LTBP2: variants seen among roughly 807,000 people sequenced by gnomAD.
The protein encoded by LTBP2 is latent-transforming growth factor beta-binding protein 2.
Under a neutral mutation model 210.6 loss-of-function variants are expected in LTBP2, and 103 were observed. The ratio of observed to expected loss-of-function variants is 0.49; its 90% CI spans 0.42 to 0.58. LTBP2 has a LOEUF of 0.58. Among genes scored for constraint, LTBP2 ranks in the 20% least tolerant of loss-of-function variants. LTBP2 has a pLI of 0.00. For synonymous variants in LTBP2, 1,007 were observed against 1,015.0 expected (o/e 0.99, Z 0.15); for missense variants, 2,313 against 2,494.5 (o/e 0.93, Z 1.55).
chr14:74,552,542 A>G (rs1006264802), intron 5 of LTBP2, 149 bp from the exon 6 acceptor site: 8 of 756,892 alleles, frequency 1.1e-5, no homozygotes, highest in Non-Finnish European at 1.6e-5. Flanking sequence ...GGGACTTTCC[A>G]CTTCATTCAT....
rs1468844013 is a variant in LTBP2, at chr14:74,586,083, A to G, written c.601T>C (p.Cys201Arg). ...CAGACACAGAGCTGCGGGCGGCTGC[A>G]GGAGCCCCGGTTCTGGCACGGCGGC... ...CEPPCQNRGS[C>R]SRPQLCVCRS... The change falls in exon 3 of 36, where the codon TGC becomes CGC. Residue 201 changes from cysteine to arginine, a missense_variant. Cys to Arg is a radical substitution (Grantham distance 180). Coordinates refer to ENST00000261978, the MANE Select transcript of LTBP2 (RefSeq NM_000428.3). This position sits in a 1 kb window ranked among gnomAD's most constrained non-coding sequence, Gnocchi z 4.6. The G allele has an allele frequency of 1.9e-6, 3 of 1,600,458 alleles. No homozygotes were observed. Among genetic ancestry groups the G allele is most frequent in the Non-Finnish European group, 2.6e-6 (3 of 1,174,092 alleles).
chr14:74,594,219 AC>A (rs1375864360), intron 2 of LTBP2, among the ~76,000 whole-genome samples: 3 of 151,528 alleles, frequency 2.0e-5, no homozygotes, highest in South Asian at 2.1e-4. Context: ...CTGCCACCCT[AC>A]CCCCCGGGCA....
intron 19 of LTBP2, among the ~76,000 whole-genome samples, chr14:74,510,967 C>T (rs909835121): frequency 6.6e-6 from 1 of 152,228 alleles, no homozygotes; most frequent in South Asian, 2.1e-4. Flanking sequence ...GCTCCTCGCT[C>T]CACCACAGGA....
At position 74,500,929 on chromosome 14, in the gene LTBP2, T is replaced by G. The variant is rs1266568731; in HGVS notation, c.5421A>C (p.Gly1807=). Residue 1807 remains glycine, a synonymous_variant, in exon 36 of 36, where the codon GGA becomes GGC. Transcript: ENST00000261978. ...GGGGGGGCCCTGCCTCAGCCACATA[T>G]CCCGGGGAGCAGTGGCAGCGGTAGG... ...EGSYRCHCSP[G]YVAEAGPPHC... The G allele has an allele frequency of 1.9e-6, 3 of 1,613,978 alleles. No homozygotes were observed. Among genetic ancestry groups the G allele is most frequent in the Non-Finnish European group, 1.7e-6 (2 of 1,180,004 alleles).
At chr14:74,511,098 C>T (rs1221016024) in intron 19 of LTBP2, 147 bp downstream of exon 19, 27 of 1,277,620 alleles carry the variant, frequency 2.1e-5, no homozygotes, top group Middle Eastern at 2.6e-4. Flanking sequence ...TCATGCCCAG[C>T]GTCATCTGGG....
At chr14:74,560,169 C>T (rs2087776432) in intron 3 of LTBP2, 1 of 152,110 alleles carries the variant, frequency 6.6e-6, no homozygotes, top group Non-Finnish European at 1.5e-5. Context: ...GACTTTAAGA[C>T]AAACACACAC....
intron 8 of LTBP2, among the ~76,000 whole-genome samples, chr14:74,544,083 G>C (rs1489507629): frequency 6.6e-6 from 1 of 152,172 alleles, no homozygotes; most frequent in East Asian, 1.9e-4. Flanking sequence ...TTCCCAGCAG[G>C]CTTCAAGTCC....
chr14:74,508,794 C>A (rs762195833), intron 23 of LTBP2, 36 bp downstream of exon 23: 3 of 1,613,414 alleles, frequency 1.9e-6, no homozygotes, highest in Admixed American at 1.7e-5. Flanking sequence ...CACACTCATG[C>A]CCCCCACCCC....
intron 25 of LTBP2, 125 bp from the exon 26 acceptor site, chr14:74,507,435 C>T: frequency 7.7e-7 from 1 of 1,305,472 alleles, no homozygotes; most frequent in Non-Finnish European, 1.1e-6. Flanking sequence ...CTCATCCCAA[C>T]CCCAGCACAT....
At chr14:74,569,580 A>T (rs556036958) in intron 3 of LTBP2, among the ~76,000 whole-genome samples, 1 of 152,236 alleles carries the variant, frequency 6.6e-6, no homozygotes, top group South Asian at 2.1e-4. Context: ...GTCCAATGAC[A>T]GAAGCCAGCT....
At chr14:74,508,793 G>GC in intron 23 of LTBP2, 37 bp downstream of exon 23, 9 of 1,613,548 alleles carry the variant, frequency 5.6e-6, no homozygotes, top group African/African-American at 1.3e-5. Context: ...ACACACTCAT[G>GC]CCCCCCACCC....
At chr14:74,532,895 A>G (rs951809401) in intron 9 of LTBP2, among the ~76,000 whole-genome samples, 3 of 152,194 alleles carry the variant, frequency 2.0e-5, no homozygotes, top group African/African-American at 7.2e-5. Flanking sequence ...GCTGGAGTGC[A>G]GGGGTGTGAT....
rs899798852 is a variant in LTBP2, at chr14:74,510,239, G to C, written c.3029-26C>G. On this transcript the variant is annotated intron_variant, in intron 19 of 35. Transcript: ENST00000261978. ...CTGTGGGAGAGAAGTCCAAGACGGT[G>C]GGCTGGCCTCCTCCCCATCCTGCAG... 4.3e-6 allele frequency: 7 copies of C among 1,611,586 alleles called. No homozygotes were observed. In the South Asian group the frequency reaches 6.6e-5, roughly 15 times the overall value.
At chr14:74,534,174 G>A (rs2087389061) in intron 9 of LTBP2, among the ~76,000 whole-genome samples, 1 of 152,172 alleles carries the variant, frequency 6.6e-6, no homozygotes, top group Non-Finnish European at 1.5e-5. Context: ...ACAGTGGGAT[G>A]TGGGCCTCCA....
chr14:74,586,234 G>T lies in LTBP2; in HGVS notation c.566-116C>A. The stretch of plus-strand genomic sequence containing the variant: ...GTGCTGCAACCCTGTCGCTCAAGCA[G>T]GAAGCCACTCTCCTGGCCTCAGGGG... On this transcript the variant is annotated intron_variant, in intron 2 of 35. Coordinates refer to ENST00000261978, the MANE Select transcript of LTBP2 (RefSeq NM_000428.3). This position sits in a 1 kb window ranked among gnomAD's most constrained non-coding sequence, Gnocchi z 4.6. 1 of 1,210,992 alleles carries T rather than the reference G, an allele frequency of 8.3e-7. No homozygotes were observed. The highest frequency in any genetic ancestry group is 1.1e-6 in the Non-Finnish European group (1 of 870,154). The allele number at this position is 1,210,992 out of a possible 1,614,324, so 75.0% of individuals were successfully genotyped here.
At chr14:74,570,818 C>T (rs1595283923) in intron 3 of LTBP2, among the ~76,000 whole-genome samples, 1 of 152,088 alleles carries the variant, frequency 6.6e-6, no homozygotes, top group East Asian at 1.9e-4. Context: ...ATTCCCTTCC[C>T]CACCCTGCTG....
chr14:74,501,560 G>C lies in LTBP2; in HGVS notation c.5201C>G (p.Ala1734Gly). Residue 1734 changes from alanine to glycine, a missense_variant, in exon 35 of 36, where the codon GCG becomes GGG. By Grantham distance (60) the Ala-to-Gly change is moderately conservative (BLOSUM62 0). Transcript: ENST00000261978. ...GCCGTTCAGGATGCCGCACTCCTCC[G>C]CCTGAAGCCCTTCGAAGCCGGCTGG... is the stretch of plus-strand genomic sequence containing the variant. The part of the protein sequence containing the change: ...EPPAGFEGLQ[A>G]EECGILNGCE... 1 of 1,614,130 alleles carries C rather than the reference G, an allele frequency of 6.2e-7. No homozygotes were observed. Among genetic ancestry groups the C allele is most frequent in the Non-Finnish European group, 8.5e-7 (1 of 1,180,036 alleles).
intron 8 of LTBP2, among the ~76,000 whole-genome samples, chr14:74,542,911 C>T (rs1240486748): frequency 6.6e-6 from 1 of 151,944 alleles, no homozygotes; most frequent in Non-Finnish European, 1.5e-5. Flanking sequence ...GGATTACAGC[C>T]ACGCGCTGCC....
At position 74,502,865 on chromosome 14, in the gene LTBP2, G is replaced by C; in HGVS notation, c.4958C>G (p.Pro1653Arg). 6.2e-7 allele frequency: 1 copy of C among 1,613,886 alleles called. No individual in the cohort carries two copies. Among genetic ancestry groups the C allele is most frequent in the Admixed American group, 1.7e-5 (1 of 60,030 alleles). Residue 1653 changes from proline to arginine, a missense_variant, in exon 34 of 36, where the codon CCA (proline) becomes CGA (arginine). Transcript: ENST00000261978. ...AEREAGVHFR[P>R]GYEYGPGPDD... ...GGGCCCGGGGCCATACTCATAGCCTGGCCGGAAGTGGACCCCGGCCTCCCG... is the reference window on the plus strand; with the variant it reads ...GGGCCCGGGGCCATACTCATAGCCTCGCCGGAAGTGGACCCCGGCCTCCCG...
Sources: gnomAD v4.1 joint callset for allele counts (sites outside exome capture counted in the v4.1 genomes callset) on GRCh38, gnomAD v4.1.1 for gene constraint, Gnocchi (gnomAD v3.1) non-coding constraint, MANE v1.5 for transcripts, NCBI Gene and HGNC (gene_info 2026-07-23, HGNC 2026-07-21) for gene names.